CSMD3: variants seen among roughly 807,000 people sequenced by gnomAD.
The protein encoded by CSMD3 is CUB and Sushi multiple domains 3.
CSMD3 carries 177 observed loss-of-function variants against 435.2 expected under a neutral mutation model. The observed-to-expected ratio is 0.41, with a 90% CI of 0.36 to 0.46. The LOEUF is 0.46. CSMD3 is among the 20% of genes least tolerant of loss of function. CSMD3 has a pLI of 0.34. For synonymous variants in CSMD3, 1,656 were observed against 1,520.5 expected (o/e 1.09, Z -2.07); for missense variants, 4,265 against 4,504.6 (o/e 0.95, Z 1.52).
chr8:112,336,873 ATAAAC>A (rs1458241554), intron 43 of CSMD3, 44 bp from the exon 44 acceptor site: 2 of 1,489,144 alleles, frequency 1.3e-6, no homozygotes, highest in Non-Finnish European at 1.9e-6. Flanking sequence ...TAAAATAACA[ATAAAC>A]TGACTGTGGA....
chr8:113,317,735 T>G (rs925423965), intron 1 of CSMD3, among the ~76,000 whole-genome samples: 4 of 152,154 alleles, frequency 2.6e-5, no homozygotes, highest in Admixed American at 2.0e-4. Flanking sequence ...GTTGGTCATT[T>G]TTAATAGCGC....
At chr8:112,563,771 G>A (rs907129687) in intron 24 of CSMD3, among the ~76,000 whole-genome samples, 1 of 151,938 alleles carries the variant, frequency 6.6e-6, no homozygotes, top group Middle Eastern at 3.2e-3. Context: ...TCTGCAAATT[G>A]TCATCAGTAC....
chr8:112,792,009 C>T (rs371348121), intron 13 of CSMD3, among the ~76,000 whole-genome samples: 6 of 152,106 alleles, frequency 3.9e-5, no homozygotes, highest in Non-Finnish European at 8.8e-5. Flanking sequence ...CCATCTGTAT[C>T]TCTTCTTTGT....
At chr8:113,394,810 TTAAC>T (rs1194369168) in intron 1 of CSMD3, among the ~76,000 whole-genome samples, 1 of 152,108 alleles carries the variant, frequency 6.6e-6, no homozygotes, top group Non-Finnish European at 1.5e-5. Flanking sequence ...AAAAAAAAAT[TTAAC>T]TATGTTAAGC....
intron 3 of CSMD3, among the ~76,000 whole-genome samples, chr8:113,194,995 T>A (rs1382369497): frequency 6.6e-6 from 1 of 151,210 alleles, no homozygotes; most frequent in Non-Finnish European, 1.5e-5. Context: ...ATCTCTTCCA[T>A]CTACTTCTCT....
At chr8:112,789,880 C>G (rs2132283603) in intron 13 of CSMD3, among the ~76,000 whole-genome samples, 1 of 151,988 alleles carries the variant, frequency 6.6e-6, no homozygotes, top group East Asian at 1.9e-4. Context: ...CACTAGAAAA[C>G]TAATGAATGC....
At chr8:113,332,320 A>T (rs1588534794) in intron 1 of CSMD3, among the ~76,000 whole-genome samples, 1 of 151,528 alleles carries the variant, frequency 6.6e-6, no homozygotes, top group East Asian at 1.9e-4. Context: ...AAAAAAAAAA[A>T]AAGATATCTT....
chr8:113,061,445 G>A (rs1285067347), intron 5 of CSMD3, among the ~76,000 whole-genome samples: 1 of 151,960 alleles, frequency 6.6e-6, no homozygotes, highest in African/African-American at 2.4e-5. Context: ...TAGGAGCCTG[G>A]CCTGAATAAC....
chr8:112,595,412 G>A (rs1164710582), intron 22 of CSMD3, among the ~76,000 whole-genome samples: 4 of 118,292 alleles, frequency 3.4e-5, no homozygotes, highest in Admixed American at 8.7e-5. Context: ...AAGTGATGGG[G>A]AGAATGGAAC....
At chr8:112,815,144 G>C (rs12674999) in intron 12 of CSMD3, among the ~76,000 whole-genome samples, 2 of 151,732 alleles carry the variant, frequency 1.3e-5, no homozygotes, top group African/African-American at 4.8e-5. Flanking sequence ...TGACAGTTCA[G>C]AATGTGGGCC....
intron 16 of CSMD3, among the ~76,000 whole-genome samples, chr8:112,667,374 A>G (rs1050454345): frequency 6.6e-6 from 1 of 151,934 alleles, no homozygotes; most frequent in African/African-American, 2.4e-5. Flanking sequence ...TTTACCATTT[A>G]CTCCCATATC....
chr8:113,373,712 A>G (rs2094361048), intron 1 of CSMD3, among the ~76,000 whole-genome samples: 1 of 152,158 alleles, frequency 6.6e-6, no homozygotes, highest in Admixed American at 6.5e-5. Context: ...GAGTCATTAA[A>G]AGATACAAAA....
intron 13 of CSMD3, among the ~76,000 whole-genome samples, chr8:112,763,247 G>A (rs1351312872): frequency 6.6e-6 from 1 of 151,382 alleles, no homozygotes; most frequent in South Asian, 2.1e-4. Flanking sequence ...AAAAAATCTT[G>A]TTGTGCATGT....
At chr8:112,730,422 G>C (rs1019706949) in intron 13 of CSMD3, among the ~76,000 whole-genome samples, 4 of 152,098 alleles carry the variant, frequency 2.6e-5, no homozygotes, top group African/African-American at 9.7e-5. Flanking sequence ...AAAATAGTTG[G>C]AAGTGAGTAG....
intron 3 of CSMD3, among the ~76,000 whole-genome samples, chr8:113,213,851 T>C (rs2132092072): frequency 6.6e-6 from 1 of 152,208 alleles, no homozygotes; most frequent in Non-Finnish European, 1.5e-5. Context: ...AGATAATTAG[T>C]CTTTCTTTTA....
intron 38 of CSMD3, among the ~76,000 whole-genome samples, chr8:112,377,487 A>C (rs1239059361): frequency 6.6e-6 from 1 of 152,156 alleles, no homozygotes; most frequent in Non-Finnish European, 1.5e-5. Context: ...AAATATGTCC[A>C]AACTTGTTTA....
chr8:112,564,351 T>C (rs535720217), intron 24 of CSMD3, among the ~76,000 whole-genome samples: 4 of 145,386 alleles, frequency 2.8e-5, no homozygotes, highest in African/African-American at 7.7e-5. Context: ...TCTCCCCTCC[T>C]TTCTCCCCTC....
intron 12 of CSMD3, among the ~76,000 whole-genome samples, chr8:112,827,170 T>TGTATATAC (rs2079715689): frequency 1.8e-5 from 1 of 56,600 alleles, no homozygotes; most frequent in Admixed American, 1.4e-4. Context: ...CATAAATATA[T>TGTATATAC]ATATATATAT....
chr8:112,969,493 G>A (rs756642312), intron 7 of CSMD3, among the ~76,000 whole-genome samples: 15 of 151,848 alleles, frequency 9.9e-5, no homozygotes, highest in Non-Finnish European at 2.1e-4. Context: ...ATTAACCAAA[G>A]TAATATCCTA....
Sources: gnomAD v4.1 joint callset for allele counts (sites outside exome capture counted in the v4.1 genomes callset) on GRCh38, gnomAD v4.1.1 for gene constraint, MANE v1.5 for transcripts, NCBI Gene and HGNC (gene_info 2026-07-23, HGNC 2026-07-21) for gene names.